Variants in PTPRT observed in about 807,000 individuals in gnomAD.
The protein encoded by PTPRT is protein tyrosine phosphatase receptor type T, also known as receptor-type tyrosine-protein phosphatase T.
A neutral mutation model predicts 176.8 loss-of-function variants in PTPRT; 56 were observed. The ratio of observed to expected loss-of-function variants is 0.32; its 90% CI spans 0.26 to 0.40. The LOEUF (loss-of-function observed/expected upper bound fraction) is 0.40, where lower values mean the gene tolerates loss of function less well. Among genes scored for constraint, PTPRT ranks in the 10% least tolerant of loss-of-function variants. PTPRT has a pLI of 1.00. For synonymous variants in PTPRT, 783 were observed against 739.0 expected (o/e 1.06, Z -0.96); for missense variants, 1,540 against 1,908.2 (o/e 0.81, Z 3.60).
intron 1 of PTPRT, chr20:43,063,324 C>T (rs539587364): frequency 9.9e-5 from 15 of 152,284 alleles, no homozygotes; most frequent in Non-Finnish European, 1.9e-4. Context: ...GAGCCAACTT[C>T]GGGATGTGAG....
intron 1 of PTPRT, among the ~76,000 whole-genome samples, chr20:42,937,399 T>C (rs1402782059): frequency 6.6e-6 from 1 of 152,224 alleles, no homozygotes; most frequent in African/African-American, 2.4e-5. Flanking sequence ...GAGGGCCATG[T>C]CTGGGAATCT....
At chr20:42,412,738 C>T (rs1434358748) in intron 9 of PTPRT, among the ~76,000 whole-genome samples, 1 of 152,122 alleles carries the variant, frequency 6.6e-6, no homozygotes, top group Non-Finnish European at 1.5e-5. Flanking sequence ...CTAATACATG[C>T]AGTAGCGTGG....
At chr20:42,202,398 C>A (rs1057286473) in intron 15 of PTPRT, among the ~76,000 whole-genome samples, 11 of 152,148 alleles carry the variant, frequency 7.2e-5, no homozygotes, top group Non-Finnish European at 1.3e-4. Flanking sequence ...AAGAGGAATG[C>A]ATCTTTTCAT....
intron 7 of PTPRT, among the ~76,000 whole-genome samples, chr20:42,636,341 T>C (rs1043657926): frequency 6.6e-6 from 1 of 152,166 alleles, no homozygotes; most frequent in Non-Finnish European, 1.5e-5. Flanking sequence ...CTGCTCTTCC[T>C]GCTATACTTC....
intron 2 of PTPRT, among the ~76,000 whole-genome samples, chr20:42,869,547 T>A (rs1233419087): frequency 2.0e-5 from 3 of 152,242 alleles, no homozygotes; most frequent in Admixed American, 2.0e-4. Context: ...GGAATGTCTA[T>A]CCTGTGTTTG....
intron 12 of PTPRT, among the ~76,000 whole-genome samples, chr20:42,315,093 G>GTCTTTGGAGAAA (rs776795529): frequency 5.0e-5 from 4 of 79,756 alleles, no homozygotes; most frequent in South Asian, 6.5e-4. Context: ...TGGTTACCTT[G>GTCTTTGGAGAAA]CGTGAACCCG....
chr20:42,740,007 A>G (rs2076585252), intron 6 of PTPRT, among the ~76,000 whole-genome samples: 1 of 152,176 alleles, frequency 6.6e-6, no homozygotes, highest in Admixed American at 6.5e-5. Flanking sequence ...CATGACTTAG[A>G]CTGGGTCCTT....
At chr20:42,705,300 G>A (rs2146177596) in intron 6 of PTPRT, among the ~76,000 whole-genome samples, 1 of 152,266 alleles carries the variant, frequency 6.6e-6, no homozygotes, top group South Asian at 2.1e-4. Context: ...TCACTTGGGT[G>A]CAAGTGGGCT....
chr20:42,281,487 T>C (rs1346389197), intron 13 of PTPRT, among the ~76,000 whole-genome samples: 1 of 152,178 alleles, frequency 6.6e-6, no homozygotes, highest in African/African-American at 2.4e-5. Flanking sequence ...TTTCGTCAAG[T>C]AGCTGTAGAT....
chr20:43,063,991 T>C (rs1351259902), intron 1 of PTPRT, among the ~76,000 whole-genome samples: 1 of 152,062 alleles, frequency 6.6e-6, no homozygotes, highest in Non-Finnish European at 1.5e-5. Flanking sequence ...ACTTTCCTTA[T>C]ATTTACCCGT....
intron 7 of PTPRT, among the ~76,000 whole-genome samples, chr20:42,612,289 C>A (rs2073988333): frequency 6.6e-6 from 1 of 152,218 alleles, no homozygotes; most frequent in African/African-American, 2.4e-5. Context: ...ATCCACCGAG[C>A]TTTTCATTTT....
At chr20:42,231,650 G>C (rs1490881589) in intron 15 of PTPRT, among the ~76,000 whole-genome samples, 1 of 152,080 alleles carries the variant, frequency 6.6e-6, no homozygotes, top group African/African-American at 2.4e-5. Context: ...CAAAACTCTA[G>C]GGCAAGAATT....
intron 6 of PTPRT, among the ~76,000 whole-genome samples, chr20:42,712,971 T>C (rs1387919823): frequency 6.6e-6 from 1 of 152,140 alleles, no homozygotes; most frequent in Non-Finnish European, 1.5e-5. Flanking sequence ...GCTCTTTATG[T>C]CTGAATGCAG....
intron 7 of PTPRT, among the ~76,000 whole-genome samples, chr20:42,644,813 A>G (rs566664803): frequency 6.6e-6 from 1 of 152,302 alleles, no homozygotes; most frequent in South Asian, 2.1e-4. Flanking sequence ...CTTAATCACA[A>G]CACTTAGTCC....
intron 9 of PTPRT, among the ~76,000 whole-genome samples, chr20:42,396,056 T>G (rs908692472): frequency 6.6e-6 from 1 of 152,186 alleles, no homozygotes; most frequent in Non-Finnish European, 1.5e-5. Context: ...CATATCTGTC[T>G]ACTTGATATC....
intron 1 of PTPRT, among the ~76,000 whole-genome samples, chr20:43,006,638 T>C (rs776061655): frequency 2.6e-4 from 39 of 152,252 alleles, no homozygotes; most frequent in Non-Finnish European, 4.7e-4. Flanking sequence ...GAAGCATTTA[T>C]TGAACTGTCT....
At chr20:42,373,789 T>C (rs1449050878) in intron 9 of PTPRT, among the ~76,000 whole-genome samples, 1 of 152,200 alleles carries the variant, frequency 6.6e-6, no homozygotes, top group East Asian at 1.9e-4. Flanking sequence ...ATGCACACTG[T>C]TTGAGTCCAA....
In PTPRT at chr20:43,189,652, C is replaced by T. The variant is rs1449501378; in HGVS notation, c.82G>A (p.Ala28Thr). 2.0e-5 allele frequency: 26 copies of T among 1,302,530 alleles called. 1 individual carries two copies. The highest frequency in any genetic ancestry group is 3.7e-5 in the Admixed American group (1 of 26,996). The allele number at this position is 1,302,530 out of a possible 1,614,324, so 80.7% of individuals were successfully genotyped here. ...PPLPGARAQS[A>T]AGGCSFDEHY... ...GCCGGGCGGGCGCACTCACCTGCGG[C>T]GCTCTGAGCCCGGGCGCCGGGCAGT... The change falls in exon 1 of 31, where the codon GCC becomes ACC. Residue 28 changes from alanine to threonine, a missense_variant. Physicochemically the swap from Ala to Thr is moderately conservative, Grantham distance 58. Coordinates refer to ENST00000373187, the MANE Select transcript of PTPRT (RefSeq NM_007050.6). The surrounding 1 kb of genome is among the most constrained non-coding windows in gnomAD (Gnocchi z 5.0).
At chr20:42,537,197 T>G (rs1251722303) in intron 7 of PTPRT, among the ~76,000 whole-genome samples, 1 of 152,118 alleles carries the variant, frequency 6.6e-6, no homozygotes, top group African/African-American at 2.4e-5. Context: ...GGAAGTGCAT[T>G]GGATGAAGCC....
Sources: gnomAD v4.1 joint callset for allele counts (sites outside exome capture counted in the v4.1 genomes callset) on GRCh38, gnomAD v4.1.1 for gene constraint, Gnocchi (gnomAD v3.1) non-coding constraint, MANE v1.5 for transcripts, NCBI Gene and HGNC (gene_info 2026-07-23, HGNC 2026-07-21) for gene names.